BRINP3: variants seen among roughly 807,000 people sequenced by gnomAD.
The protein encoded by BRINP3 is BMP/retinoic acid-inducible neural-specific protein 3.
BRINP3 carries 19 observed loss-of-function variants against 71.0 expected under a neutral mutation model. The ratio of observed to expected loss-of-function variants is 0.27; its 90% CI spans 0.19 to 0.39. The LOEUF (loss-of-function observed/expected upper bound fraction) is 0.39. BRINP3 is among the 10% of genes least tolerant of loss of function. The pLI is 1.00. For missense variants in BRINP3, 959 were observed against 940.8 expected, an observed-to-expected ratio of 1.02 and a Z score of -0.25; for synonymous variants, 380 against 337.7, an observed-to-expected ratio of 1.13 and a Z score of -1.37.
intron 1 of BRINP3, among the ~76,000 whole-genome samples, chr1:190,470,789 A>C (rs985998845): frequency 2.6e-5 from 4 of 151,134 alleles, no homozygotes; most frequent in Non-Finnish European, 6.0e-5. Flanking sequence ...ATAAAACATC[A>C]AGTAATCCAA....
At chr1:190,119,850 C>A (rs918394044) in intron 7 of BRINP3, among the ~76,000 whole-genome samples, 1 of 152,180 alleles carries the variant, frequency 6.6e-6, no homozygotes, top group South Asian at 2.1e-4. Flanking sequence ...AACTGTTGTG[C>A]TGCTGGTGTA....
Position 190,454,938 on chromosome 1 carries a change from C to T in BRINP3, c.-48G>A, listed in dbSNP as rs749146826. The T allele has an allele frequency of 1.4e-6, 2 of 1,479,362 alleles. No homozygotes were observed. Among genetic ancestry groups the T allele is most frequent in the South Asian group, 2.3e-5 (2 of 86,198 alleles). 91.6% of individuals were successfully genotyped at this position (1,479,362 alleles called of 1,614,324 possible). On this transcript the variant is annotated splice_region_variant and 5_prime_UTR_variant, in exon 2 of 8. Coordinates refer to ENST00000367462, the MANE Select transcript of BRINP3 (RefSeq NM_199051.3). ...CTTCATTCTCTCAGCTTTCCCTCAA[C>T]ACCTAGACAAAATACACAGGCAATT... is the stretch of plus-strand genomic sequence containing the variant.
At chr1:190,425,828 G>A (rs1384645077) in intron 2 of BRINP3, among the ~76,000 whole-genome samples, 1 of 151,700 alleles carries the variant, frequency 6.6e-6, no homozygotes, top group Non-Finnish European at 1.5e-5. Context: ...CTTTCTGAAA[G>A]GTAAATGGCT....
At chr1:190,432,818 G>T (rs1344767674) in intron 2 of BRINP3, among the ~76,000 whole-genome samples, 1 of 152,154 alleles carries the variant, frequency 6.6e-6, no homozygotes, top group Non-Finnish European at 1.5e-5. Context: ...TCCAGAAGCT[G>T]AAATTTACCT....
intron 2 of BRINP3, among the ~76,000 whole-genome samples, chr1:190,299,361 TTC>T (rs1171293919): frequency 1.3e-5 from 2 of 151,576 alleles, no homozygotes; most frequent in African/African-American, 2.4e-5. Flanking sequence ...CTGTTTTCCA[TTC>T]TCTTTCTCTT....
intron 2 of BRINP3, among the ~76,000 whole-genome samples, chr1:190,295,490 A>G (rs980621811): frequency 4.6e-5 from 7 of 152,132 alleles, no homozygotes; most frequent in African/African-American, 1.7e-4. Flanking sequence ...AGACCAGTGC[A>G]GTACTGGGAC....
chr1:190,272,770 T>G (rs1474292149), intron 3 of BRINP3, among the ~76,000 whole-genome samples: 1 of 151,514 alleles, frequency 6.6e-6, no homozygotes, highest in African/African-American at 2.4e-5. Flanking sequence ...CTCATGGTTC[T>G]TCTCTACAGT....
chr1:190,346,918 T>G (rs1021990177), intron 2 of BRINP3, among the ~76,000 whole-genome samples: 1 of 152,150 alleles, frequency 6.6e-6, no homozygotes, highest in Non-Finnish European at 1.5e-5. Context: ...TATATTTTTA[T>G]GGTTGTTCTC....
At chr1:190,339,792 C>A (rs190332094) in intron 2 of BRINP3, among the ~76,000 whole-genome samples, 3 of 152,054 alleles carry the variant, frequency 2.0e-5, no homozygotes, top group Admixed American at 6.6e-5. Context: ...CATATCTTAT[C>A]TTCAAAAGTG....
intron 4 of BRINP3, among the ~76,000 whole-genome samples, chr1:190,259,659 TAA>T: frequency 7.7e-6 from 1 of 129,174 alleles, no homozygotes; most frequent in East Asian, 2.4e-4. Flanking sequence ...AATAAATAAA[TAA>T]ATAAAATAAA....
At chr1:190,290,465 A>G (rs1429498699) in intron 2 of BRINP3, among the ~76,000 whole-genome samples, 1 of 152,132 alleles carries the variant, frequency 6.6e-6, no homozygotes, top group Non-Finnish European at 1.5e-5. Context: ...TTCATCTTTT[A>G]TGGGCGAAAT....
At chr1:190,408,006 TTTCTACATTTGTC>T (rs1672398562) in intron 2 of BRINP3, among the ~76,000 whole-genome samples, 2 of 147,606 alleles carry the variant, frequency 1.4e-5, no homozygotes, top group Non-Finnish European at 3.0e-5. Context: ...TGTACTTTCT[TTTCTACATTTGTC>T]TTTTTTTTTT....
At chr1:190,460,185 C>T (rs1407111998) in intron 1 of BRINP3, among the ~76,000 whole-genome samples, 1 of 151,370 alleles carries the variant, frequency 6.6e-6, no homozygotes. Flanking sequence ...TAAAAAGTCA[C>T]ATTCTTTCAA....
intron 6 of BRINP3, among the ~76,000 whole-genome samples, chr1:190,206,545 A>C (rs1358245343): frequency 6.6e-6 from 1 of 152,136 alleles, no homozygotes; most frequent in Non-Finnish European, 1.5e-5. Flanking sequence ...CTTCATGAAA[A>C]AATACTTAAG....
intron 7 of BRINP3, among the ~76,000 whole-genome samples, chr1:190,156,350 G>A (rs1161196771): frequency 1.3e-5 from 2 of 151,954 alleles, no homozygotes; most frequent in Non-Finnish European, 2.9e-5. Flanking sequence ...GAATGACTGA[G>A]AACAATTCCA....
At chr1:190,196,927 T>C (rs1654535786) in intron 6 of BRINP3, among the ~76,000 whole-genome samples, 1 of 149,310 alleles carries the variant, frequency 6.7e-6, no homozygotes, top group South Asian at 2.1e-4. Flanking sequence ...TTATAAATAA[T>C]AAATTATTTA....
intron 2 of BRINP3, among the ~76,000 whole-genome samples, chr1:190,327,323 GAACAAAAA>G (rs1666650943): frequency 1.2e-4 from 1 of 8,108 alleles, no homozygotes; most frequent in Non-Finnish European, 2.7e-4. Flanking sequence ...TCAAAAAAAA[GAACAAAAA>G]AAAAAAAAAA....
intron 2 of BRINP3, among the ~76,000 whole-genome samples, chr1:190,383,137 T>C (rs192427096): frequency 1.2e-3 from 178 of 152,290 alleles, no homozygotes; most frequent in African/African-American, 4.1e-3. Context: ...ATCAGGAAAG[T>C]ATCTAACTGG....
At chr1:190,191,857 C>T (rs1270328245) in intron 6 of BRINP3, among the ~76,000 whole-genome samples, 1 of 152,052 alleles carries the variant, frequency 6.6e-6, no homozygotes, top group African/African-American at 2.4e-5. Context: ...TAGTTTTCAA[C>T]ATTGCTCCCC....
Sources: gnomAD v4.1 joint callset for allele counts (sites outside exome capture counted in the v4.1 genomes callset) on GRCh38, gnomAD v4.1.1 for gene constraint, MANE v1.5 for transcripts, NCBI Gene and HGNC (gene_info 2026-07-23, HGNC 2026-07-21) for gene names.